SLC17A5: variants seen among roughly 807,000 people sequenced by gnomAD.
SLC17A5 encodes the protein sialin.
SLC17A5 carries 47 observed loss-of-function variants against 59.4 expected under a neutral mutation model. That is an observed-to-expected ratio of 0.79 (90% CI 0.63 to 1.01). SLC17A5 has a LOEUF of 1.01. Among genes scored for constraint, SLC17A5 ranks in the 50% least tolerant of loss-of-function variants. SLC17A5 has a pLI of 0.00. For missense variants in SLC17A5, 522 were observed against 595.5 expected (o/e 0.88, Z 1.28); for synonymous variants, 202 against 210.7 (o/e 0.96, Z 0.36).
At chr6:73,633,455 C>A (rs1226300814) in intron 6 of SLC17A5, among the ~76,000 whole-genome samples, 6 of 152,042 alleles carry the variant, frequency 3.9e-5, no homozygotes, top group Non-Finnish European at 7.4e-5. Flanking sequence ...TGGTCTTGAA[C>A]TCCAGGGCTC....
intron 1 of SLC17A5, among the ~76,000 whole-genome samples, chr6:73,651,460 CAAAAAAAAA>C (rs538079302): frequency 3.3e-5 from 1 of 29,914 alleles, no homozygotes. Flanking sequence ...AACTCCGTCT[CAAAAAAAAA>C]AAAAAAAAAA....
chr6:73,597,425 C>A (rs570187394), intron 10 of SLC17A5, among the ~76,000 whole-genome samples: 3 of 152,184 alleles, frequency 2.0e-5, no homozygotes, highest in African/African-American at 7.2e-5. Flanking sequence ...CAAGATCGTG[C>A]CACTGCACTC....
At chr6:73,616,705 T>C (rs1207326515) in intron 7 of SLC17A5, among the ~76,000 whole-genome samples, 1 of 151,622 alleles carries the variant, frequency 6.6e-6, no homozygotes, top group Non-Finnish European at 1.5e-5. Flanking sequence ...ACCTTCTGGG[T>C]TCCAGCAATT....
At chr6:73,637,971 G>C (rs1769099240) in intron 4 of SLC17A5, among the ~76,000 whole-genome samples, 1 of 151,956 alleles carries the variant, frequency 6.6e-6, no homozygotes. Flanking sequence ...GAGGGGTTGA[G>C]AATCATGATA....
chr6:73,603,740 T>C (rs35733187), intron 9 of SLC17A5, among the ~76,000 whole-genome samples: 43,724 of 151,946 alleles, frequency 0.29, 6,681 homozygotes, highest in African/African-American at 0.34. Context: ...GTCCCTTTAC[T>C]AGGATGTTTG....
chr6:73,608,518 G>A (rs1266944306), intron 9 of SLC17A5, among the ~76,000 whole-genome samples: 1 of 152,120 alleles, frequency 6.6e-6, no homozygotes, highest in Non-Finnish European at 1.5e-5. Context: ...GTAGGCAGCT[G>A]GATATCAACT....
chr6:73,619,450 G>A (rs924205327), intron 7 of SLC17A5, among the ~76,000 whole-genome samples: 1 of 152,088 alleles, frequency 6.6e-6, no homozygotes, highest in African/African-American at 2.4e-5. Context: ...CACTTTGGGA[G>A]GCTGAGGCAG....
intron 9 of SLC17A5, 30 bp downstream of exon 9, chr6:73,610,370 A>G: frequency 6.2e-7 from 1 of 1,612,126 alleles, no homozygotes; most frequent in East Asian, 2.2e-5. Flanking sequence ...TTTAAAGTCA[A>G]TCACAGCAAA....
At chr6:73,601,849 G>C (rs1168776982) in intron 9 of SLC17A5, among the ~76,000 whole-genome samples, 891 of 150,140 alleles carry the variant, frequency 5.9e-3, no homozygotes, top group African/African-American at 0.02. Flanking sequence ...CAGCCGCCCC[G>C]TCCGGGAGGT....
intron 2 of SLC17A5, among the ~76,000 whole-genome samples, chr6:73,642,279 C>T (rs498990): frequency 0.44 from 66,629 of 151,720 alleles, 15,602 homozygotes; most frequent in African/African-American, 0.59. Context: ...GAGGCTGCCG[C>T]CCCCCCGGCC....
chr6:73,621,880 T>C lies in SLC17A5; in HGVS notation c.902A>G (p.Tyr301Cys), dbSNP rs1276343384. ...CAATAAAGTATAAAAAGTCCAGTTG[T>C]AAGAAAAGTGTGCAACTACGATAGC... ...LWAIVVAHFS[Y>C]NWTFYTLLTL... The change falls in exon 7 of 11, where the codon TAC (tyrosine) becomes TGC (cysteine). Residue 301 changes from tyrosine (Y) to cysteine (C), a missense_variant. Physicochemically the swap from Tyr to Cys is radical, Grantham distance 194. Around this residue, in one of 3 missense-constraint regions of SLC17A5, gnomAD observed 338 missense variants for 363.8 expected, o/e 0.93. Coordinates refer to ENST00000355773, the MANE Select transcript of SLC17A5 (RefSeq NM_012434.5). 5 of 1,613,410 alleles carry C rather than the reference T, an allele frequency of 3.1e-6. No homozygotes were observed. The highest frequency in any genetic ancestry group is 4.2e-6 in the Non-Finnish European group (5 of 1,179,488).
At chr6:73,604,269 T>G (rs1485384538) in intron 9 of SLC17A5, among the ~76,000 whole-genome samples, 3 of 152,158 alleles carry the variant, frequency 2.0e-5, no homozygotes, top group Admixed American at 1.3e-4. Flanking sequence ...AACAAGAAGC[T>G]CATTCAAGTA....
intron 6 of SLC17A5, among the ~76,000 whole-genome samples, chr6:73,632,816 A>C (rs986732099): frequency 6.7e-6 from 1 of 149,748 alleles, no homozygotes; most frequent in South Asian, 2.1e-4. Context: ...TAAAAATGAA[A>C]TATTGGAGAA....
intron 3 of SLC17A5, 113 bp downstream of exon 3, chr6:73,641,578 G>T: frequency 1.3e-6 from 1 of 795,494 alleles, no homozygotes; most frequent in Non-Finnish European, 2.1e-6. Flanking sequence ...ATAAACCCCT[G>T]TTATCATCCA....
chr6:73,595,433 T>C (rs1407296916), intron 10 of SLC17A5, among the ~76,000 whole-genome samples: 1 of 152,064 alleles, frequency 6.6e-6, no homozygotes, highest in African/African-American at 2.4e-5. Context: ...TAAATACAGC[T>C]CACAAACAAA....
chr6:73,610,612 G>A, intron 8 of SLC17A5, 65 bp from the exon 9 acceptor site: 3 of 1,569,750 alleles, frequency 1.9e-6, no homozygotes, highest in Non-Finnish European at 2.6e-6. Context: ...ACCTTAATAT[G>A]GTATAAATCT....
chr6:73,631,379 G>T (rs780170855), intron 6 of SLC17A5, among the ~76,000 whole-genome samples: 12 of 151,822 alleles, frequency 7.9e-5, no homozygotes, highest in Non-Finnish European at 1.3e-4. Flanking sequence ...GCTAATATGA[G>T]TGACTGCTGT....
intron 6 of SLC17A5, among the ~76,000 whole-genome samples, chr6:73,631,471 T>G (rs1561996065): frequency 9.1e-6 from 1 of 110,326 alleles, no homozygotes; most frequent in African/African-American, 5.2e-5. Flanking sequence ...AAATATTGAT[T>G]CTTTAAACCC....
At chr6:73,632,062 G>C (rs1581979557) in intron 6 of SLC17A5, among the ~76,000 whole-genome samples, 1 of 120,196 alleles carries the variant, frequency 8.3e-6, no homozygotes, top group South Asian at 2.4e-4. Flanking sequence ...CCAGCATTTT[G>C]GGAGTCTTAG....
Sources: allele counts gnomAD v4.1 joint callset (sites outside exome capture counted in the v4.1 genomes callset), GRCh38; gene constraint gnomAD v4.1.1; regional missense constraint gnomAD v4.1.1; transcripts MANE v1.5; gene names NCBI Gene and HGNC (gene_info 2026-07-23, HGNC 2026-07-21).